Variants in RBM20 observed in about 807,000 individuals in gnomAD.
RBM20 encodes the protein RNA-binding protein 20.
In RBM20, 51 loss-of-function variants were observed where a neutral mutation model predicts 110.1. The observed-to-expected ratio is 0.46, with a 90% CI of 0.37 to 0.59. The LOEUF (loss-of-function observed/expected upper bound fraction) is 0.59, where lower values mean the gene tolerates loss of function less well. Ranked by LOEUF, RBM20 falls within the 20% of genes least tolerant of loss-of-function variation. The pLI is 0.00. For synonymous variants in RBM20, 589 were observed against 618.2 expected (o/e 0.95, Z 0.70); for missense variants, 1,512 against 1,574.9 (o/e 0.96, Z 0.68).
At chr10:110,762,208 A>T (rs535139203) in intron 1 of RBM20, among the ~76,000 whole-genome samples, 7 of 152,360 alleles carry the variant, frequency 4.6e-5, no homozygotes, top group African/African-American at 1.4e-4. Context: ...GGGGATAGTG[A>T]TCTTAATTTG....
rs146607394 is a variant in RBM20 at position 110,712,504 on chromosome 10, C to A, written c.191+67859C>A. ...TCTAGAGGCTGGGTGCGGTGGCTCA[C>A]CCCTGTAATCCCAGCATTTTGGGAG... On this transcript the variant is annotated intron_variant, in intron 1 of 13. Transcript: ENST00000369519. 4.0e-3 allele frequency among the ~76,000 whole-genome samples: 613 copies of A among 152,280 alleles called. 4 individuals carry two copies. The highest frequency in any genetic ancestry group is 0.014 in the African/African-American group (593 of 41,550).
chr10:110,767,895 T>C (rs547715406), intron 1 of RBM20, among the ~76,000 whole-genome samples: 1 of 152,166 alleles, frequency 6.6e-6, no homozygotes, highest in South Asian at 2.1e-4. Context: ...TGGGTGGAGG[T>C]TGTAGCCAGC....
At chr10:110,754,594 C>T (rs1843899409) in intron 1 of RBM20, among the ~76,000 whole-genome samples, 1 of 152,192 alleles carries the variant, frequency 6.6e-6, no homozygotes, top group Non-Finnish European at 1.5e-5. Context: ...CCTTAATTCT[C>T]TCTTCTATTG....
intron 1 of RBM20, among the ~76,000 whole-genome samples, chr10:110,764,485 A>C (rs1048201050): frequency 5.3e-5 from 8 of 152,226 alleles, no homozygotes; most frequent in African/African-American, 1.9e-4. Flanking sequence ...CATGTGGCAT[A>C]AACATCGACT....
In RBM20 at chr10:110,766,148, T is replaced by C. The variant is rs181128730; in HGVS notation, c.192-14653T>C. Among the ~76,000 whole-genome samples the C allele has an allele frequency of 4.0e-3, 614 of 152,330 alleles. 5 individuals are homozygous for C. The highest frequency in any genetic ancestry group is 0.014 in the African/African-American group (584 of 41,570). Reference sequence around the variant, plus strand: ...GTCTTCAAGCTTTAACCATTCTTTCTGGCCTCAGCCAAGGCAGTTTTCAAT... The same window carrying C: ...GTCTTCAAGCTTTAACCATTCTTTCCGGCCTCAGCCAAGGCAGTTTTCAAT... On this transcript the variant is annotated intron_variant, in intron 1 of 13. Coordinates refer to ENST00000369519, the MANE Select transcript of RBM20 (RefSeq NM_001134363.3).
intron 4 of RBM20, 104 bp downstream of exon 4, chr10:110,784,536 T>C (rs1311242064): frequency 1.0e-5 from 9 of 883,698 alleles, no homozygotes; most frequent in African/African-American, 3.3e-5. Flanking sequence ...TGTCCCCTTC[T>C]CACGGATGTA....
At chr10:110,646,704 C>T (rs965533484) in intron 1 of RBM20, among the ~76,000 whole-genome samples, 1 of 152,194 alleles carries the variant, frequency 6.6e-6, no homozygotes, top group African/African-American at 2.4e-5. Flanking sequence ...ATCTTCAATG[C>T]GCCGAAATTT....
intron 7 of RBM20, among the ~76,000 whole-genome samples, chr10:110,807,944 G>A (rs1844716115): frequency 1.3e-5 from 2 of 152,220 alleles, no homozygotes; most frequent in South Asian, 2.1e-4. Context: ...GCTTCCCGGC[G>A]ATGGCAGATC....
chr10:110,719,455 T>C (rs1238844425), intron 1 of RBM20, among the ~76,000 whole-genome samples: 1 of 152,252 alleles, frequency 6.6e-6, no homozygotes, highest in African/African-American at 2.4e-5. Flanking sequence ...TCCTAACAGG[T>C]CTCACTGCCA....
intron 1 of RBM20, among the ~76,000 whole-genome samples, chr10:110,765,543 A>G (rs182096105): frequency 6.6e-6 from 1 of 152,320 alleles, no homozygotes; most frequent in African/African-American, 2.4e-5. Flanking sequence ...GCAAGTGCAT[A>G]AACTTCTGTT....
At chr10:110,668,296 T>C (rs999448559) in intron 1 of RBM20, among the ~76,000 whole-genome samples, 2 of 152,152 alleles carry the variant, frequency 1.3e-5, no homozygotes, top group East Asian at 1.9e-4. Flanking sequence ...CCCCCTGCTA[T>C]CTGACTGTGT....
At chr10:110,701,009 C>T (rs776719030) in intron 1 of RBM20, among the ~76,000 whole-genome samples, 16 of 151,832 alleles carry the variant, frequency 1.1e-4, no homozygotes, top group Non-Finnish European at 1.5e-4. Context: ...AGAAAGACTC[C>T]GTCTCAAAAA....
chr10:110,644,593 C>G lies in RBM20; in HGVS notation c.139C>G (p.Pro47Ala). 2 of 1,523,624 alleles carry G rather than the reference C, an allele frequency of 1.3e-6. No individual in the cohort carries two copies. The highest frequency in any genetic ancestry group is 1.8e-6 in the Non-Finnish European group (2 of 1,139,382). The allele number at this position is 1,523,624 out of a possible 1,614,324, so 94.4% of individuals were successfully genotyped here. Residue 47 changes from proline (P) to alanine (A), a missense_variant, in exon 1 of 14, where the codon CCG becomes GCG. Physicochemically the swap from Pro to Ala is conservative, Grantham distance 27 (BLOSUM62 -1). Transcript: ENST00000369519. The surrounding 1 kb of genome is among the most constrained non-coding windows in gnomAD (Gnocchi z 4.3). ...GCGAGGGATGCAGCAGCCGCCGCCG[C>G]CGCCCCAGCCACCGCCCCCGCCCCA... ...GPRGMQQPPPPPQPPPPPQAG... is the reference protein window; with the variant it reads ...GPRGMQQPPPAPQPPPPPQAG...
Position 110,662,011 on chromosome 10 carries a change from G to GAAAAA in RBM20, c.191+17366_191+17367insAAAAA, listed in dbSNP as rs373054814. Among the ~76,000 whole-genome samples, 149 of 146,892 alleles carry GAAAAA rather than the reference G, an allele frequency of 1.0e-3. 6 individuals are homozygous for GAAAAA. Among genetic ancestry groups the GAAAAA allele is most frequent in the African/African-American group, 1.2e-3 (48 of 39,848 alleles). ...GGGTGACAGAGCAAGACTGGTCTCA[G>GAAAAA]GAAAAAAAAAAAAGATAGTAGCATT... On this transcript the variant is annotated intron_variant, in intron 1 of 13. Coordinates refer to ENST00000369519, the MANE Select transcript of RBM20 (RefSeq NM_001134363.3).
At chr10:110,729,413 A>G (rs1332133422) in intron 1 of RBM20, among the ~76,000 whole-genome samples, 1 of 151,838 alleles carries the variant, frequency 6.6e-6, no homozygotes, top group Non-Finnish European at 1.5e-5. Context: ...AATCCCAACA[A>G]CTTTCCAACT....
chr10:110,741,270 G>A (rs1326471519), intron 1 of RBM20, among the ~76,000 whole-genome samples: 1 of 152,154 alleles, frequency 6.6e-6, no homozygotes, highest in Non-Finnish European at 1.5e-5. Flanking sequence ...GGTGGATACA[G>A]GTAAAATAAG....
chr10:110,798,923 C>T (rs1844586624), intron 6 of RBM20, among the ~76,000 whole-genome samples: 2 of 152,168 alleles, frequency 1.3e-5, no homozygotes. Context: ...CTGGGGTAAA[C>T]TGATGCACAG....
chr10:110,769,146 A>G (rs10885041), intron 1 of RBM20, among the ~76,000 whole-genome samples: 19,517 of 152,256 alleles, frequency 0.13, 1,598 homozygotes, highest in Middle Eastern at 0.19. Flanking sequence ...GGTTGAGTCA[A>G]TCTCTGGAGG....
At chr10:110,652,463 TTATC>T (rs980238894) in intron 1 of RBM20, among the ~76,000 whole-genome samples, 8 of 152,216 alleles carry the variant, frequency 5.3e-5, no homozygotes, top group Admixed American at 1.3e-4. Context: ...ATTTTTTTCT[TTATC>T]TATTTCTTTT....
Sources: gnomAD v4.1 joint callset for allele counts (sites outside exome capture counted in the v4.1 genomes callset) on GRCh38, gnomAD v4.1.1 for gene constraint, Gnocchi (gnomAD v3.1) non-coding constraint, MANE v1.5 for transcripts, NCBI Gene and HGNC (gene_info 2026-07-23, HGNC 2026-07-21) for gene names.